Variants in YY1 observed in about 807,000 individuals in gnomAD.
The protein encoded by YY1 is transcriptional repressor protein YY1.
Under a neutral mutation model 35.6 loss-of-function variants are expected in YY1, and 2 were observed. The observed-to-expected ratio is 0.06, with a 90% CI of 0.02 to 0.18. The LOEUF is 0.18. Among genes scored for constraint, YY1 ranks in the 10% least tolerant of loss-of-function variants. YY1 has a pLI of 1.00. For synonymous variants in YY1, 268 were observed against 238.9 expected, an observed-to-expected ratio of 1.12 and a Z score of -1.12; for missense variants, 322 against 573.4, an observed-to-expected ratio of 0.56 and a Z score of 4.48.
At chr14:100,262,855 T>C (rs779468572) in intron 2 of YY1, among the ~76,000 whole-genome samples, 1 of 152,210 alleles carries the variant, frequency 6.6e-6, no homozygotes, top group Non-Finnish European at 1.5e-5. Context: ...TTGCACGTAA[T>C]TTGTTTTGGA....
At chr14:100,256,880 G>A (rs971240446) in intron 1 of YY1, among the ~76,000 whole-genome samples, 3 of 147,098 alleles carry the variant, frequency 2.0e-5, no homozygotes, top group African/African-American at 7.5e-5. Context: ...TTTTTTTTAC[G>A]AAAACCGTGG....
At chr14:100,269,037 C>A (rs1018278419) in intron 2 of YY1, among the ~76,000 whole-genome samples, 1 of 152,140 alleles carries the variant, frequency 6.6e-6, no homozygotes, top group Non-Finnish European at 1.5e-5. Context: ...TATTATAAAT[C>A]GGGCAGTCAT....
Position 100,239,179 on chromosome 14 carries a change from C to A in YY1, c.-66C>A. ...CTTCCTTCCCCACGGCCGGCCGCCT[C>A]CTCGCCCGCCCGCCCGCAGCCGAGG... On this transcript the variant is annotated 5_prime_UTR_variant, in exon 1 of 5. Transcript: ENST00000262238. 7.5e-7 allele frequency: 1 copy of A among 1,338,826 alleles called. No individual in the cohort carries two copies. Among genetic ancestry groups the A allele is most frequent in the Non-Finnish European group, 9.5e-7 (1 of 1,053,004 alleles). The allele number at this position is 1,338,826 out of a possible 1,614,324, so 82.9% of individuals were successfully genotyped here.
Position 100,239,721 on chromosome 14 carries a change from C to G in YY1, c.477C>G (p.Ser159Arg). The G allele has an allele frequency of 6.3e-7, 1 of 1,591,368 alleles. No individual in the cohort carries two copies. The highest frequency in any genetic ancestry group is 8.5e-7 in the Non-Finnish European group (1 of 1,173,698). The change falls in exon 1 of 5, where the codon AGC becomes AGG. Residue 159 changes from serine (S) to arginine (R), a missense_variant. Physicochemically the swap from Ser to Arg is moderately radical, Grantham distance 110. Coordinates refer to ENST00000262238, the MANE Select transcript of YY1 (RefSeq NM_003403.5). Reference sequence around the variant, plus strand: ...TCACCGTGGCGGCGGCCGGCAAGAGCGGCGGCGGCGGCTCGTCGTCGTCGG... The same window carrying G: ...TCACCGTGGCGGCGGCCGGCAAGAGGGGCGGCGGCGGCTCGTCGTCGTCGG... ...TLVTVAAAGK[S>R]GGGGSSSSGG...
At position 100,276,519 on chromosome 14, in the gene YY1, G is replaced by C; in HGVS notation, c.933G>C (p.Ser311=). Residue 311 remains serine, a synonymous_variant, in exon 4 of 5, where the codon TCG becomes TCC. Coordinates refer to ENST00000262238, the MANE Select transcript of YY1 (RefSeq NM_003403.5). This position sits in a 1 kb window ranked among gnomAD's most constrained non-coding sequence, Gnocchi z 4.1. ...GCACAAAGATGTTCAGGGATAACTC[G>C]GCCATGAGAAAACATCTGCACACCC... is the stretch of plus-strand genomic sequence containing the variant. ...KGCTKMFRDN[S]AMRKHLHTHG... 1 of 1,614,126 alleles carries C rather than the reference G, an allele frequency of 6.2e-7. No individual in the cohort carries two copies. The highest frequency in any genetic ancestry group is 8.5e-7 in the Non-Finnish European group (1 of 1,180,036).
rs1354970405 is a variant in YY1, at chr14:100,240,019, A to G, written c.679+96A>G. 18 of 1,209,368 alleles carry G rather than the reference A, an allele frequency of 1.5e-5. No homozygotes were observed. In the African/African-American group the frequency reaches 2.6e-4, roughly 18 times the overall value. The allele number at this position is 1,209,368 out of a possible 1,614,324, so 74.9% of individuals were successfully genotyped here. On this transcript the variant is annotated intron_variant, in intron 1 of 4. Coordinates refer to ENST00000262238, the MANE Select transcript of YY1 (RefSeq NM_003403.5). ...GATGGGCGCCGCCATCTTCTTCGCCAGGGCAAGTATGGCGGCCCCAAAAGA... is the reference window on the plus strand; with the variant it reads ...GATGGGCGCCGCCATCTTCTTCGCCGGGGCAAGTATGGCGGCCCCAAAAGA...
Position 100,239,453 on chromosome 14 carries a change from A to G in YY1, c.209A>G (p.His70Arg), listed in dbSNP as rs780916558. The G allele has an allele frequency of 2.1e-6, 3 of 1,447,122 alleles. No individual in the cohort carries two copies. Among genetic ancestry groups the G allele is most frequent in the South Asian group, 1.1e-5 (1 of 87,004 alleles). 89.6% of individuals were successfully genotyped at this position (1,447,122 alleles called of 1,614,324 possible). Reference sequence around the variant, plus strand: ...GGGGGCGGCCACGGGCACGCCGGCCACCACCACCACCACCATCACCACCAC... The same window carrying G: ...GGGGGCGGCCACGGGCACGCCGGCCGCCACCACCACCACCATCACCACCAC... ...GGGGGHGHAG[H>R]HHHHHHHHHH... The change falls in exon 1 of 5, where the codon CAC becomes CGC. Residue 70 changes from histidine (H) to arginine (R), a missense_variant. Physicochemically the swap from His to Arg is conservative, Grantham distance 29. Transcript: ENST00000262238.
intron 1 of YY1, among the ~76,000 whole-genome samples, chr14:100,255,090 C>T (rs1384444178): frequency 6.6e-6 from 1 of 151,290 alleles, no homozygotes; most frequent in Non-Finnish European, 1.5e-5. Context: ...AGCCACTGTG[C>T]CCAGCCAGCC....
chr14:100,248,795 C>T (rs565394050), intron 1 of YY1, among the ~76,000 whole-genome samples: 1 of 149,586 alleles, frequency 6.7e-6, no homozygotes, highest in East Asian at 2.0e-4. Flanking sequence ...TCACACCATT[C>T]TCCTTCCTCA....
In YY1 at chr14:100,272,954, G is replaced by GTTTT. The variant is rs1555370707; in HGVS notation, c.843-1737_843-1734dup. Reference sequence around the variant, plus strand: ...AGTGGCCCCCAGCTAGTTTTTTGTTGTTTTTTTTTTGTTTTTTTTTTTTTG... The same window carrying GTTTT: ...AGTGGCCCCCAGCTAGTTTTTTGTTGTTTTTTTTTTTTTTGTTTTTTTTTTTTTG... On this transcript the variant is annotated intron_variant, in intron 2 of 4. Coordinates refer to ENST00000262238, the MANE Select transcript of YY1 (RefSeq NM_003403.5). Among the ~76,000 whole-genome samples the GTTTT allele has an allele frequency of 7.1e-5, 10 of 141,192 alleles. No individual in the cohort carries two copies. The East Asian group carries it at 8.3e-4, about 12-fold the overall frequency. The allele number at this position is 141,192 out of a possible 152,430, so 92.6% of individuals were successfully genotyped here.
intron 2 of YY1, among the ~76,000 whole-genome samples, chr14:100,266,581 C>T (rs1891160178): frequency 6.6e-6 from 1 of 152,114 alleles, no homozygotes. Flanking sequence ...AACATGGCTA[C>T]CTTAGACCAT....
intron 1 of YY1, among the ~76,000 whole-genome samples, chr14:100,258,239 G>A (rs191650195): frequency 1.6e-4 from 24 of 152,324 alleles, no homozygotes; most frequent in Middle Eastern, 3.4e-3. Context: ...AGATGTGCCA[G>A]GCTAGAGGGA....
intron 1 of YY1, among the ~76,000 whole-genome samples, chr14:100,254,445 CTA>C (rs995412112): frequency 1.3e-5 from 2 of 151,958 alleles, no homozygotes; most frequent in African/African-American, 4.8e-5. Flanking sequence ...CAGCTTTTTC[CTA>C]TATGTTTCTT....
At chr14:100,260,297 G>A (rs906439525) in intron 1 of YY1, among the ~76,000 whole-genome samples, 1 of 151,266 alleles carries the variant, frequency 6.6e-6, no homozygotes, top group Non-Finnish European at 1.5e-5. Flanking sequence ...GGCTGGTCTT[G>A]AACTCCCAAA....
At chr14:100,264,780 G>A (rs547370936) in intron 2 of YY1, among the ~76,000 whole-genome samples, 2 of 152,318 alleles carry the variant, frequency 1.3e-5, no homozygotes, top group East Asian at 3.9e-4. Flanking sequence ...AGTTAGAATT[G>A]TGGCAGTCAG....
Position 100,248,679 on chromosome 14 carries a change from CTTTTTTT to C in YY1, c.679+8773_679+8779del, listed in dbSNP as rs11415073. 4.9e-4 allele frequency among the ~76,000 whole-genome samples: 51 copies of C among 105,004 alleles called. 1 individual carries two copies. The highest frequency in any genetic ancestry group is 1.1e-3 in the Admixed American group (11 of 9,746). The allele number at this position is 105,004 out of a possible 152,430, so 68.9% of individuals were successfully genotyped here. ...CATTCCACCCAGCTTGAGTAAAATT[CTTTTTTT>C]TTTTTTTTTTTTTTTTATTGAAACG... On this transcript the variant is annotated intron_variant, in intron 1 of 4. Transcript: ENST00000262238.
chr14:100,280,209 T>C lies in YY1; in HGVS notation c.*2609T>C, dbSNP rs889603886. On this transcript the variant is annotated 3_prime_UTR_variant, in exon 5 of 5. Transcript: ENST00000262238. ...ACCCATTCTGCTTGTGGTTAGAATTTATAATTTTGCTAACGATGTAATTTA... is the reference window on the plus strand; with the variant it reads ...ACCCATTCTGCTTGTGGTTAGAATTCATAATTTTGCTAACGATGTAATTTA... The C allele has an allele frequency of 6.6e-6, 1 of 152,364 alleles. No individual in the cohort carries two copies. Among genetic ancestry groups the C allele is most frequent in the South Asian group, 2.1e-4 (1 of 4,830 alleles). The allele number at this position is 152,364 out of a possible 1,614,324, so 9.4% of individuals were successfully genotyped here.
At chr14:100,249,658 A>G (rs1890891052) in intron 1 of YY1, among the ~76,000 whole-genome samples, 2 of 151,788 alleles carry the variant, frequency 1.3e-5, no homozygotes, top group African/African-American at 2.4e-5. Flanking sequence ...AGTATTAGGG[A>G]TAGAGAGAAG....
intron 2 of YY1, among the ~76,000 whole-genome samples, chr14:100,262,875 T>C (rs1382825755): frequency 6.6e-6 from 1 of 152,192 alleles, no homozygotes; most frequent in Non-Finnish European, 1.5e-5. Flanking sequence ...AATAGATATC[T>C]TCCACACTGC....
Sources: gnomAD v4.1 joint callset for allele counts (sites outside exome capture counted in the v4.1 genomes callset) on GRCh38, gnomAD v4.1.1 for gene constraint, Gnocchi (gnomAD v3.1) non-coding constraint, MANE v1.5 for transcripts, NCBI Gene and HGNC (gene_info 2026-07-23, HGNC 2026-07-21) for gene names.